The following GRM8 variants were observed in gnomAD, a reference collection of about 807,000 sequenced individuals.
The protein encoded by GRM8 is metabotropic glutamate receptor 8.
In GRM8, 47 loss-of-function variants were observed where a neutral mutation model predicts 87.2. The ratio of observed to expected loss-of-function variants is 0.54; its 90% CI spans 0.43 to 0.69. GRM8 has a LOEUF of 0.69. Ranked by LOEUF, GRM8 falls within the 30% of genes least tolerant of loss-of-function variation. The pLI, the probability that GRM8 is intolerant of heterozygous loss-of-function variation, is 0.00. For synonymous variants in GRM8, 396 were observed against 404.5 expected (o/e 0.98, Z 0.25); for missense variants, 1,019 against 1,139.2 (o/e 0.89, Z 1.52).
chr7:127,241,114 T>C (rs1049772685), intron 2 of GRM8, among the ~76,000 whole-genome samples: 1 of 152,248 alleles, frequency 6.6e-6, no homozygotes, highest in African/African-American at 2.4e-5. Flanking sequence ...ATCCTCCTTA[T>C]TTGAGAAAAT....
intron 6 of GRM8, among the ~76,000 whole-genome samples, chr7:126,792,490 G>A (rs1245323008): frequency 1.3e-5 from 2 of 152,152 alleles, no homozygotes; most frequent in East Asian, 1.9e-4. Context: ...TTCTCCTAAA[G>A]TTTGAGGGCC....
At chr7:127,030,523 C>T (rs1422841670) in intron 3 of GRM8, among the ~76,000 whole-genome samples, 1 of 151,628 alleles carries the variant, frequency 6.6e-6, no homozygotes, top group Non-Finnish European at 1.5e-5. Context: ...TATCAGTTTA[C>T]TCTCTGTTTA....
chr7:127,243,472 C>T lies in GRM8; in HGVS notation c.-268G>A, dbSNP rs568191932. The T allele has an allele frequency of 1.1e-5, 5 of 450,496 alleles. No individual in the cohort carries two copies. The South Asian group carries it at 1.9e-4, about 17-fold the overall frequency. The allele number at this position is 450,496 out of a possible 1,614,324, so 27.9% of individuals were successfully genotyped here. On this transcript the variant is annotated 5_prime_UTR_variant, in exon 2 of 11. An upstream open reading frame in the 5' UTR loses its in-frame stop. Transcript: ENST00000339582. ...TGAGGTTCTGATGTTGGGATGAGGT[C>T]AACAATTCATGTCCTTGAAATCAGC...
At chr7:126,464,638 A>G (rs745766259) in intron 9 of GRM8, among the ~76,000 whole-genome samples, 37 of 151,370 alleles carry the variant, frequency 2.4e-4, no homozygotes, top group Non-Finnish European at 4.1e-4. Context: ...TATCTGTTGT[A>G]TGCTTTTTGA....
intron 7 of GRM8, among the ~76,000 whole-genome samples, chr7:126,663,987 A>G (rs934292292): frequency 8.5e-5 from 13 of 152,188 alleles, no homozygotes; most frequent in Non-Finnish European, 1.8e-4. Context: ...TAGCATTTCT[A>G]TACACCAATA....
intron 3 of GRM8, among the ~76,000 whole-genome samples, chr7:126,919,780 C>T (rs1804321745): frequency 6.6e-6 from 1 of 152,076 alleles, no homozygotes; most frequent in Admixed American, 6.5e-5. Context: ...CCTTGTCTTA[C>T]TCTGTCTTTC....
chr7:126,551,953 C>T (rs1792633786), intron 8 of GRM8, among the ~76,000 whole-genome samples: 1 of 152,118 alleles, frequency 6.6e-6, no homozygotes, highest in African/African-American at 2.4e-5. Flanking sequence ...ACACTCTTTC[C>T]CAATCTACCT....
chr7:126,548,504 T>C (rs1817424997), intron 8 of GRM8, among the ~76,000 whole-genome samples: 1 of 151,984 alleles, frequency 6.6e-6, no homozygotes, highest in South Asian at 2.1e-4. Flanking sequence ...CAAAAAAAAT[T>C]TCCAAGAAAA....
At chr7:127,222,269 G>C (rs184187998) in intron 2 of GRM8, among the ~76,000 whole-genome samples, 13 of 152,316 alleles carry the variant, frequency 8.5e-5, no homozygotes, top group African/African-American at 2.9e-4. Context: ...GTAGCTGGGC[G>C]TGGTGGCACA....
At chr7:126,623,287 T>TTTGGTGA in intron 7 of GRM8, among the ~76,000 whole-genome samples, 1 of 152,324 alleles carries the variant, frequency 6.6e-6, no homozygotes, top group Non-Finnish European at 1.5e-5. Context: ...TAAATTATTT[T>TTTGGTGA]CTTAAAAAGT....
At chr7:126,753,725 C>T (rs1050559109) in intron 7 of GRM8, among the ~76,000 whole-genome samples, 3 of 151,502 alleles carry the variant, frequency 2.0e-5, no homozygotes, top group Non-Finnish European at 1.5e-5. Flanking sequence ...GATTATTTTC[C>T]ACCTCAAATA....
At chr7:127,146,574 C>A (rs1273854272) in intron 2 of GRM8, among the ~76,000 whole-genome samples, 1 of 152,054 alleles carries the variant, frequency 6.6e-6, no homozygotes, top group Non-Finnish European at 1.5e-5. Flanking sequence ...TTTTTCCCAA[C>A]TGAGAATTCT....
rs753513846 is a variant in GRM8, at chr7:126,903,932, C to G, written c.1018+40G>C. On this transcript the variant is annotated intron_variant, in intron 5 of 10. Transcript: ENST00000339582. ...TCCAGTTTTGCCTTTGAGTTCAGAT[C>G]CAACTGGAATAAAACAAATTCTCTA... 4 of 1,292,474 alleles carry G rather than the reference C, an allele frequency of 3.1e-6. No homozygotes were observed. The South Asian group carries it at 5.1e-5, about 17-fold the overall frequency. 80.1% of individuals were successfully genotyped at this position (1,292,474 alleles called of 1,614,324 possible).
At chr7:126,825,993 A>G (rs1272922248) in intron 6 of GRM8, among the ~76,000 whole-genome samples, 2 of 151,944 alleles carry the variant, frequency 1.3e-5, no homozygotes, top group African/African-American at 4.8e-5. Context: ...TCCTTGCGAT[A>G]GTTTACTGAG....
intron 8 of GRM8, among the ~76,000 whole-genome samples, chr7:126,608,096 C>T (rs1043329881): frequency 2.0e-5 from 3 of 151,942 alleles, no homozygotes; most frequent in Non-Finnish European, 4.4e-5. Context: ...TGAAATAATT[C>T]TTCACCTGGT....
At chr7:126,911,295 G>C (rs1161302406) in intron 3 of GRM8, among the ~76,000 whole-genome samples, 1 of 152,070 alleles carries the variant, frequency 6.6e-6, no homozygotes, top group Non-Finnish European at 1.5e-5. Flanking sequence ...GCAATTTTAA[G>C]GTGAGAGAAT....
rs564476278 is a variant in GRM8, at chr7:126,852,569, A to T, written c.1156+49973T>A. Among the ~76,000 whole-genome samples the T allele has an allele frequency of 4.6e-5, 7 of 152,330 alleles. No individual in the cohort carries two copies. In the East Asian group the frequency reaches 1.3e-3, roughly 29 times the overall value. On this transcript the variant is annotated intron_variant, in intron 6 of 10. Transcript: ENST00000339582. ...AGCTGACAGTAAATAGGTTTATAGA[A>T]CTGAACTAGAAAGATTAGAAATTGC...
At chr7:126,446,016 C>A in intron 10 of GRM8, 110 bp downstream of exon 10, 2 of 1,268,388 alleles carry the variant, frequency 1.6e-6, no homozygotes, top group South Asian at 2.5e-5. Flanking sequence ...TACCATCATG[C>A]CCCTGGAAAC....
At chr7:127,147,504 G>A (rs1828617787) in intron 2 of GRM8, among the ~76,000 whole-genome samples, 1 of 151,826 alleles carries the variant, frequency 6.6e-6, no homozygotes, top group African/African-American at 2.4e-5. Flanking sequence ...TCTCTGCTTT[G>A]GGCAAATTCC....
Sources: gnomAD v4.1 joint callset for allele counts (sites outside exome capture counted in the v4.1 genomes callset) on GRCh38, gnomAD v4.1.1 for gene constraint, MANE v1.5 for transcripts, NCBI Gene and HGNC (gene_info 2026-07-23, HGNC 2026-07-21) for gene names.